Variants in EXT1 observed in about 807,000 individuals in gnomAD.
EXT1 encodes the protein exostosin-1.
A neutral mutation model predicts 82.5 loss-of-function variants in EXT1; 20 were observed. The observed-to-expected ratio is 0.24, with a 90% CI of 0.17 to 0.35. The LOEUF is 0.35. Among genes scored for constraint, EXT1 ranks in the 10% least tolerant of loss-of-function variants. The pLI is 1.00. For missense variants in EXT1, 757 were observed against 936.5 expected (o/e 0.81, Z 2.50); for synonymous variants, 348 against 350.8 (o/e 0.99, Z 0.09).
intron 1 of EXT1, among the ~76,000 whole-genome samples, chr8:117,972,590 T>C (rs574400080): frequency 2.0e-5 from 3 of 152,324 alleles, no homozygotes; most frequent in East Asian, 3.9e-4. Flanking sequence ...CAAAATCGAA[T>C]ACCAATTGCT....
rs1328340456 is a variant in EXT1 at position 117,801,463 on chromosome 8, G to A, written c.2056-1566C>T. Among the ~76,000 whole-genome samples, 3 of 152,060 alleles carry A rather than the reference G, an allele frequency of 2.0e-5. No individual in the cohort carries two copies. The East Asian group carries it at 5.8e-4, about 29-fold the overall frequency. On this transcript the variant is annotated intron_variant, in intron 10 of 10. Transcript: ENST00000378204. ...CATATCAGAGTAGACAATCCCAAAT[G>A]TAACTTGTTTTGACCCTAAATGGAT...
chr8:117,961,055 TG>T (rs1396009974), intron 1 of EXT1, among the ~76,000 whole-genome samples: 1 of 152,208 alleles, frequency 6.6e-6, no homozygotes, highest in Non-Finnish European at 1.5e-5. Flanking sequence ...TCGTTTACTT[TG>T]GCATTGAGGA....
At chr8:118,018,081 A>T (rs1346874400) in intron 1 of EXT1, among the ~76,000 whole-genome samples, 1 of 152,254 alleles carries the variant, frequency 6.6e-6, no homozygotes, top group African/African-American at 2.4e-5. Flanking sequence ...ATATATACAT[A>T]TCCACTAAAG....
intron 1 of EXT1, among the ~76,000 whole-genome samples, chr8:117,939,338 G>A (rs1476826972): frequency 6.6e-6 from 1 of 152,140 alleles, no homozygotes; most frequent in Non-Finnish European, 1.5e-5. Context: ...GGGCGGACAA[G>A]GCAGGTGGGT....
intron 1 of EXT1, among the ~76,000 whole-genome samples, chr8:117,897,720 G>A (rs17450856): frequency 0.26 from 38,137 of 148,346 alleles, 5,621 homozygotes; most frequent in East Asian, 0.38. Context: ...TCAGCCTTCC[G>A]AGTAGCTGGG....
chr8:117,807,704 C>T (rs17503089), intron 8 of EXT1, among the ~76,000 whole-genome samples: 25,737 of 152,054 alleles, frequency 0.17, 2,327 homozygotes, highest in South Asian at 0.21. Context: ...CAAAGGTGCA[C>T]GTGCCTTGAT....
intron 5 of EXT1, among the ~76,000 whole-genome samples, chr8:117,820,980 G>A (rs1811913898): frequency 6.6e-6 from 1 of 152,194 alleles, no homozygotes; most frequent in South Asian, 2.1e-4. Context: ...AGAGACAGAA[G>A]TGAGATGGCT....
At chr8:117,857,281 C>T (rs528952210) in intron 1 of EXT1, among the ~76,000 whole-genome samples, 147 of 152,246 alleles carry the variant, frequency 9.7e-4, no homozygotes, top group Non-Finnish European at 1.7e-3. Context: ...TGGGGCCAGG[C>T]ACAGTGGCTC....
At position 117,799,832 on chromosome 8, in the gene EXT1, C is replaced by A. The variant is rs746184779; in HGVS notation, c.2121G>T (p.Thr707=). The part of the protein sequence containing the change: ...HFAQRQSCMN[T]FASWFGYMPL... ...GCATGTAGCCAAACCAGCTGGCAAA[C>A]GTATTCATGCAGCTCTGTCGCTGGG... Residue 707 remains threonine (T), a synonymous_variant, in exon 11 of 11, where the codon ACG becomes ACT. Transcript: ENST00000378204. The A allele has an allele frequency of 6.2e-7, 1 of 1,614,146 alleles. No individual in the cohort carries two copies. Among genetic ancestry groups the A allele is most frequent in the African/African-American group, 1.3e-5 (1 of 75,030 alleles).
rs28357281 is a variant in EXT1 at position 117,912,123 on chromosome 8, G to C, written c.963-74922C>G. ...AGACAAGGTGTTAGAAATGAGGCAC[G>C]ATGGCTCTGAGATCAAAAATGGCAC... On this transcript the variant is annotated intron_variant, in intron 1 of 10. Transcript: ENST00000378204. Among the ~76,000 whole-genome samples, 989 of 152,276 alleles carry C rather than the reference G, an allele frequency of 6.5e-3. 8 individuals are homozygous for C. Among genetic ancestry groups the C allele is most frequent in the African/African-American group, 0.019 (805 of 41,558 alleles).
At chr8:117,866,919 A>T (rs1246845706) in intron 1 of EXT1, among the ~76,000 whole-genome samples, 1 of 152,110 alleles carries the variant, frequency 6.6e-6, no homozygotes, top group Non-Finnish European at 1.5e-5. Flanking sequence ...TCTCAAGGAC[A>T]TTCAGTTTAC....
intron 1 of EXT1, among the ~76,000 whole-genome samples, chr8:118,080,046 A>T (rs1443658368): frequency 6.6e-6 from 1 of 152,200 alleles, no homozygotes; most frequent in Non-Finnish European, 1.5e-5. Flanking sequence ...CTGGTTGAAA[A>T]GGCAAAAGTG....
At chr8:117,952,215 C>A (rs915668099) in intron 1 of EXT1, among the ~76,000 whole-genome samples, 4 of 152,174 alleles carry the variant, frequency 2.6e-5, no homozygotes, top group Non-Finnish European at 4.4e-5. Flanking sequence ...TCACCACATT[C>A]TGTCTTTATT....
intron 1 of EXT1, among the ~76,000 whole-genome samples, chr8:118,003,428 TAG>T (rs1815713107): frequency 6.6e-6 from 1 of 152,032 alleles, no homozygotes; most frequent in South Asian, 2.1e-4. Context: ...AAAAAGAAAT[TAG>T]ATTTTTCTAA....
chr8:117,899,250 G>A (rs1813398708), intron 1 of EXT1, among the ~76,000 whole-genome samples: 1 of 152,180 alleles, frequency 6.6e-6, no homozygotes, highest in Admixed American at 6.5e-5. Flanking sequence ...GCAAACACTG[G>A]AAAGGTGAGT....
intron 1 of EXT1, among the ~76,000 whole-genome samples, chr8:118,032,119 A>AC (rs200370577): frequency 0.44 from 60,689 of 138,512 alleles, 13,427 homozygotes; most frequent in Middle Eastern, 0.53. Context: ...GGTTTTGGCC[A>AC]TTACTCAATG....
intron 1 of EXT1, among the ~76,000 whole-genome samples, chr8:117,913,088 C>T (rs28357283): frequency 6.6e-6 from 1 of 151,998 alleles, no homozygotes; most frequent in Non-Finnish European, 1.5e-5. Flanking sequence ...GCTGGGTGGT[C>T]GCGTGTACCT....
At chr8:117,860,585 G>C in intron 1 of EXT1, among the ~76,000 whole-genome samples, 1 of 152,210 alleles carries the variant, frequency 6.6e-6, no homozygotes, top group East Asian at 1.9e-4. Flanking sequence ...GGGACTATCT[G>C]CGGTTGCAAA....
chr8:117,833,576 T>A (rs1009650646), intron 3 of EXT1, among the ~76,000 whole-genome samples: 8 of 150,760 alleles, frequency 5.3e-5, no homozygotes, highest in African/African-American at 2.0e-4. Flanking sequence ...GATCATGCCA[T>A]GGCACTCCAG....
Sources: allele counts gnomAD v4.1 joint callset (sites outside exome capture counted in the v4.1 genomes callset), GRCh38; gene constraint gnomAD v4.1.1; transcripts MANE v1.5; gene names NCBI Gene and HGNC (gene_info 2026-07-23, HGNC 2026-07-21).